The following CDH4 variants were observed in gnomAD, a reference collection of about 807,000 sequenced individuals.
CDH4 encodes the protein cadherin-4.
CDH4 carries 33 observed loss-of-function variants against 86.0 expected under a neutral mutation model. The ratio of observed to expected loss-of-function variants is 0.38; its 90% CI spans 0.29 to 0.51. CDH4 has a LOEUF of 0.51. CDH4 is among the 20% of genes least tolerant of loss of function. The pLI, the probability that CDH4 is intolerant of heterozygous loss-of-function variation, is 0.86. For synonymous variants in CDH4, 555 were observed against 549.4 expected (o/e 1.01, Z -0.14); for missense variants, 1,114 against 1,307.4 (o/e 0.85, Z 2.28).
At chr20:61,771,484 TGTG>T (rs1452616231) in intron 3 of CDH4, among the ~76,000 whole-genome samples, 6 of 151,754 alleles carry the variant, frequency 4.0e-5, no homozygotes, top group African/African-American at 7.3e-5. Context: ...ATTAGCCAGA[TGTG>T]GTGGCGGTCT....
chr20:61,873,972 G>A, intron 7 of CDH4, 72 bp downstream of exon 7: 4 of 1,541,754 alleles, frequency 2.6e-6, no homozygotes, highest in Non-Finnish European at 3.5e-6. Context: ...AGGACCCTCG[G>A]GGAGCCTCTC....
At chr20:61,932,102 C>T (rs968571329) in intron 13 of CDH4, among the ~76,000 whole-genome samples, 2 of 152,166 alleles carry the variant, frequency 1.3e-5, no homozygotes, top group African/African-American at 4.8e-5. Flanking sequence ...CTCCCTCTCT[C>T]AGTGATTCCT....
At chr20:61,724,608 C>T (rs116779208) in intron 2 of CDH4, among the ~76,000 whole-genome samples, 278 of 152,298 alleles carry the variant, frequency 1.8e-3, no homozygotes, top group African/African-American at 6.4e-3. Flanking sequence ...CCCTTCGCCC[C>T]GACCCCGGGC....
intron 2 of CDH4, among the ~76,000 whole-genome samples, chr20:61,541,610 A>T (rs2086039989): frequency 6.6e-6 from 1 of 152,144 alleles, no homozygotes; most frequent in Admixed American, 6.5e-5. Flanking sequence ...TGTTCCCGTG[A>T]TCTCCTGCCT....
rs548161510 is a variant in CDH4 at position 61,849,825 on chromosome 20, G to A, written c.733-2929G>A. Among the ~76,000 whole-genome samples, 350 of 152,286 alleles carry A rather than the reference G, an allele frequency of 2.3e-3. 1 individual carries two copies. Among genetic ancestry groups the A allele is most frequent in the African/African-American group, 8.0e-3 (331 of 41,542 alleles). ...TCGAAGGCCCATGTGGTTGGATGGC[G>A]TCCACCCAGCCCTGTCTTAAGGTCA... On this transcript the variant is annotated intron_variant, in intron 5 of 15. Transcript: ENST00000614565.
chr20:61,881,108 G>A (rs932220979), intron 7 of CDH4, among the ~76,000 whole-genome samples: 12 of 152,316 alleles, frequency 7.9e-5, no homozygotes, highest in African/African-American at 2.4e-4. Flanking sequence ...GGGTTCCTGC[G>A]GCCACAGGGC....
At chr20:61,305,206 A>G (rs2084410164) in intron 2 of CDH4, among the ~76,000 whole-genome samples, 1 of 151,024 alleles carries the variant, frequency 6.6e-6, no homozygotes, top group Non-Finnish European at 1.5e-5. Flanking sequence ...GGATCTATAA[A>G]CCTGCCTTTT....
chr20:61,583,166 TCTGCGGG>T (rs2086442879), intron 2 of CDH4, among the ~76,000 whole-genome samples: 1 of 80,086 alleles, frequency 1.2e-5, no homozygotes, highest in Non-Finnish European at 2.6e-5. Flanking sequence ...GACAGAGGGC[TCTGCGGG>T]GGGGACAGAG....
Position 61,879,762 on chromosome 20 carries a change from G to A in CDH4, c.1050+5862G>A, listed in dbSNP as rs960830023. Among the ~76,000 whole-genome samples the A allele has an allele frequency of 1.3e-5, 2 of 152,144 alleles. No individual in the cohort carries two copies. Among genetic ancestry groups the A allele is most frequent in the Non-Finnish European group, 2.9e-5 (2 of 68,024 alleles). On this transcript the variant is annotated intron_variant, in intron 7 of 15. Coordinates refer to ENST00000614565, the MANE Select transcript of CDH4 (RefSeq NM_001794.5). This position sits in a 1 kb window ranked among gnomAD's most constrained non-coding sequence, Gnocchi z 4.1. ...GAGAGTGGGCTCTGCAGACGCAGGC[G>A]CTGTTCCGATTGTTGGGCAGTGAAA...
chr20:61,898,616 G>A (rs1212603954), intron 8 of CDH4, among the ~76,000 whole-genome samples: 4 of 152,222 alleles, frequency 2.6e-5, no homozygotes, highest in East Asian at 1.9e-4. Flanking sequence ...ACATGCTCAC[G>A]GAGGGGGGGT....
Position 61,320,956 on chromosome 20 carries a change from T to A in CDH4, c.169+66019T>A, listed in dbSNP as rs924036269. Among the ~76,000 whole-genome samples, 3 of 152,134 alleles carry A rather than the reference T, an allele frequency of 2.0e-5. No homozygotes were observed. In the East Asian group the frequency reaches 5.8e-4, roughly 30 times the overall value. ...CCAGGGGAGCTCCTCTTCCTGCCCCTGCTGTGGGGAAGTGTCCCAGGTCTC... is the reference window on the plus strand; with the variant it reads ...CCAGGGGAGCTCCTCTTCCTGCCCCAGCTGTGGGGAAGTGTCCCAGGTCTC... On this transcript the variant is annotated intron_variant, in intron 2 of 15. Coordinates refer to ENST00000614565, the MANE Select transcript of CDH4 (RefSeq NM_001794.5).
At chr20:61,742,434 G>A (rs1283617858) in intron 2 of CDH4, among the ~76,000 whole-genome samples, 1 of 152,224 alleles carries the variant, frequency 6.6e-6, no homozygotes, top group Non-Finnish European at 1.5e-5. Context: ...TTCAAGGCAG[G>A]CAACAGTAAA....
rs1188789413 is a variant in CDH4, at chr20:61,417,350, CCTCT to C, written c.169+162419_169+162422del. On this transcript the variant is annotated intron_variant, in intron 2 of 15. Coordinates refer to ENST00000614565, the MANE Select transcript of CDH4 (RefSeq NM_001794.5). This position sits in a 1 kb window ranked among gnomAD's most constrained non-coding sequence, Gnocchi z 4.0. ...CTTCTCTCTCCCCTCACCCCTAGCC[CCTCT>C]CTCTCCTCCCTCTCCCTGTTACCAG... Among the ~76,000 whole-genome samples, 1 of 152,060 alleles carries C rather than the reference CCTCT, an allele frequency of 6.6e-6. No homozygotes were observed. Among genetic ancestry groups the C allele is most frequent in the African/African-American group, 2.4e-5 (1 of 41,470 alleles).
rs551119466 is a variant in CDH4, at chr20:61,642,770, T to C, written c.170-100793T>C. On this transcript the variant is annotated intron_variant, in intron 2 of 15. Coordinates refer to ENST00000614565, the MANE Select transcript of CDH4 (RefSeq NM_001794.5). The stretch of plus-strand genomic sequence containing the variant: ...TTGAGGCTCCAGGGGAGAAACCACT[T>C]CCTTACCTTTCCATTTCTGGAGGCT... 2.4e-4 allele frequency among the ~76,000 whole-genome samples: 37 copies of C among 152,290 alleles called. 1 individual carries two copies. The East Asian group carries it at 5.4e-3, about 22-fold the overall frequency.
At chr20:61,495,847 G>A (rs2085657713) in intron 2 of CDH4, among the ~76,000 whole-genome samples, 1 of 144,370 alleles carries the variant, frequency 6.9e-6, no homozygotes. Context: ...AGGTTGTGGT[G>A]AGCTGAGATA....
chr20:61,615,278 C>T (rs575298253), intron 2 of CDH4, among the ~76,000 whole-genome samples: 3 of 152,068 alleles, frequency 2.0e-5, no homozygotes, highest in Admixed American at 6.5e-5. Flanking sequence ...TGCACCACCA[C>T]GCCCAGCTAA....
intron 2 of CDH4, among the ~76,000 whole-genome samples, chr20:61,618,133 C>T (rs748532734): frequency 1.7e-4 from 26 of 152,072 alleles, no homozygotes; most frequent in Non-Finnish European, 3.5e-4. Flanking sequence ...TATCAGCAGC[C>T]GTGAGAACAG....
At chr20:61,608,793 A>T (rs921857671) in intron 2 of CDH4, among the ~76,000 whole-genome samples, 1 of 152,132 alleles carries the variant, frequency 6.6e-6, no homozygotes, top group East Asian at 1.9e-4. Context: ...GTATTTGCCA[A>T]TGAAGCTGTC....
chr20:61,409,100 G>T (rs2085100277), intron 2 of CDH4, among the ~76,000 whole-genome samples: 1 of 152,220 alleles, frequency 6.6e-6, no homozygotes, highest in Admixed American at 6.5e-5. Context: ...CCCAGCTTGG[G>T]CTGGCACAGA....
Sources: allele counts gnomAD v4.1 joint callset (sites outside exome capture counted in the v4.1 genomes callset), GRCh38; gene constraint gnomAD v4.1.1; non-coding constraint Gnocchi (gnomAD v3.1); transcripts MANE v1.5; gene names NCBI Gene and HGNC (gene_info 2026-07-23, HGNC 2026-07-21).